The following NRP1 variants were observed in gnomAD, a reference collection of about 807,000 sequenced individuals.
NRP1 encodes neuropilin 1, also known as neuropilin-1.
Under a neutral mutation model 106.7 loss-of-function variants are expected in NRP1, and 35 were observed. The ratio of observed to expected loss-of-function variants is 0.33; its 90% CI spans 0.25 to 0.43. The LOEUF (loss-of-function observed/expected upper bound fraction) is 0.43, where lower values mean the gene tolerates loss of function less well. NRP1 is among the 20% of genes least tolerant of loss of function. The pLI, the probability that NRP1 is intolerant of heterozygous loss-of-function variation, is 1.00. For missense variants in NRP1, 1,024 were observed against 1,170.4 expected, an observed-to-expected ratio of 0.87 and a Z score of 1.83; for synonymous variants, 437 against 417.9, an observed-to-expected ratio of 1.05 and a Z score of -0.56.
intron 15 of NRP1, among the ~76,000 whole-genome samples, 170 bp from the exon 16 acceptor site, chr10:33,182,918 T>C (rs892007783): frequency 6.6e-6 from 1 of 151,628 alleles, no homozygotes; most frequent in African/African-American, 2.4e-5. Context: ...ACCAAACAGA[T>C]CAATAAAGAG....
chr10:33,244,460 C>T (rs1484761924), intron 6 of NRP1, among the ~76,000 whole-genome samples: 1 of 152,162 alleles, frequency 6.6e-6, no homozygotes, highest in Non-Finnish European at 1.5e-5. Flanking sequence ...ACATTTTACT[C>T]CCTGAGGATT....
intron 2 of NRP1, among the ~76,000 whole-genome samples, chr10:33,273,727 G>A (rs1463045412): frequency 2.6e-5 from 4 of 152,166 alleles, no homozygotes; most frequent in East Asian, 3.9e-4. Flanking sequence ...TGGGAATTAC[G>A]TCTGAGGAAT....
intron 15 of NRP1, among the ~76,000 whole-genome samples, chr10:33,183,413 T>C (rs1288597462): frequency 6.6e-6 from 1 of 151,904 alleles, no homozygotes; most frequent in East Asian, 1.9e-4. Context: ...CTGGTGAATA[T>C]AGGTTCTACT....
chr10:33,306,345 G>A (rs1477541495), intron 2 of NRP1, among the ~76,000 whole-genome samples: 1 of 128,512 alleles, frequency 7.8e-6, no homozygotes, highest in Non-Finnish European at 1.6e-5. Flanking sequence ...TGCATTCTGC[G>A]GGTCAGAAGG....
At chr10:33,296,783 A>G (rs914294994) in intron 2 of NRP1, among the ~76,000 whole-genome samples, 1 of 152,034 alleles carries the variant, frequency 6.6e-6, no homozygotes, top group Non-Finnish European at 1.5e-5. Context: ...AATCCCAGCA[A>G]TTTGGGAGGC....
chr10:33,278,109 C>T (rs1002370281), intron 2 of NRP1, among the ~76,000 whole-genome samples: 6 of 152,124 alleles, frequency 3.9e-5, no homozygotes, highest in African/African-American at 7.2e-5. Context: ...TCAAGTAATA[C>T]GTTGTCGACA....
chr10:33,228,386 A>G (rs985075142), intron 6 of NRP1, among the ~76,000 whole-genome samples: 2 of 152,178 alleles, frequency 1.3e-5, no homozygotes, highest in Non-Finnish European at 2.9e-5. Context: ...GAAAAATAAA[A>G]TAAAAATAAA....
intron 2 of NRP1, among the ~76,000 whole-genome samples, chr10:33,298,872 T>A (rs1845603173): frequency 6.6e-6 from 1 of 152,152 alleles, no homozygotes; most frequent in South Asian, 2.1e-4. Flanking sequence ...TAGAATGTTG[T>A]CAGAATAAAA....
At chr10:33,272,138 T>A (rs1163554068) in intron 2 of NRP1, among the ~76,000 whole-genome samples, 1 of 152,210 alleles carries the variant, frequency 6.6e-6, no homozygotes, top group Admixed American at 6.5e-5. Flanking sequence ...GACGCATGAC[T>A]TATGTTTACA....
At chr10:33,185,814 ATAAAT>A (rs779761893) in intron 14 of NRP1, 90 bp from the exon 15 acceptor site, 19 of 1,114,442 alleles carry the variant, frequency 1.7e-5, no homozygotes, top group East Asian at 2.5e-5. Context: ...GCTACGGCAC[ATAAAT>A]TAAATTCATC....
intron 6 of NRP1, among the ~76,000 whole-genome samples, chr10:33,242,283 T>C (rs974491918): frequency 6.6e-6 from 1 of 152,176 alleles, no homozygotes; most frequent in Admixed American, 6.6e-5. Flanking sequence ...TTTCTTTACG[T>C]GGTAAATGAT....
intron 10 of NRP1, among the ~76,000 whole-genome samples, chr10:33,203,933 G>T (rs1163509072): frequency 1.2e-5 from 1 of 85,980 alleles, no homozygotes; most frequent in African/African-American, 3.2e-5. Context: ...GTAGAGACGG[G>T]GTTTCACCTT....
chr10:33,224,398 G>T (rs1839493956), intron 7 of NRP1, among the ~76,000 whole-genome samples: 2 of 150,610 alleles, frequency 1.3e-5, no homozygotes, highest in Admixed American at 6.6e-5. Flanking sequence ...AGCCCGTATG[G>T]TTTTTTTTTC....
chr10:33,254,596 G>C (rs1291234311), intron 5 of NRP1, among the ~76,000 whole-genome samples: 1 of 152,044 alleles, frequency 6.6e-6, no homozygotes, highest in African/African-American at 2.4e-5. Flanking sequence ...ATATCGAAGA[G>C]AATTGAAAAA....
intron 2 of NRP1, among the ~76,000 whole-genome samples, chr10:33,310,109 G>A (rs924251712): frequency 2.7e-5 from 4 of 150,316 alleles, no homozygotes; most frequent in Non-Finnish European, 5.9e-5. Context: ...CACCACGCCC[G>A]GCTAATTTTT....
At chr10:33,264,973 G>T (rs1842827947) in intron 3 of NRP1, among the ~76,000 whole-genome samples, 1 of 152,000 alleles carries the variant, frequency 6.6e-6, no homozygotes. Flanking sequence ...AGCTGGGCGT[G>T]GTCGTGGGCA....
intron 3 of NRP1, 102 bp downstream of exon 3, chr10:33,270,573 T>A (rs1843235181): frequency 1.0e-6 from 1 of 955,508 alleles, no homozygotes; most frequent in Non-Finnish European, 1.5e-6. Flanking sequence ...GTGATCCACC[T>A]GCCTCGGCCT....
intron 7 of NRP1, among the ~76,000 whole-genome samples, chr10:33,222,396 T>G (rs894146298): frequency 2.0e-5 from 3 of 152,218 alleles, no homozygotes; most frequent in Non-Finnish European, 4.4e-5. Flanking sequence ...ACTTTAATCC[T>G]TTTTTGATTA....
At chr10:33,299,624 T>C (rs1485931351) in intron 2 of NRP1, among the ~76,000 whole-genome samples, 3 of 151,896 alleles carry the variant, frequency 2.0e-5, no homozygotes, top group Non-Finnish European at 2.9e-5. Context: ...TACAAACAAA[T>C]AAAATTTAAA....
Sources: allele counts gnomAD v4.1 joint callset (sites outside exome capture counted in the v4.1 genomes callset), GRCh38; gene constraint gnomAD v4.1.1; transcripts MANE v1.5; gene names NCBI Gene and HGNC (gene_info 2026-07-23, HGNC 2026-07-21).